Variants in CFAP57 observed in about 807,000 individuals in gnomAD.
CFAP57 encodes cilia and flagella associated protein 57.
Under a neutral mutation model 146.8 loss-of-function variants are expected in CFAP57, and 116 were observed. The ratio of observed to expected loss-of-function variants is 0.79; its 90% CI spans 0.68 to 0.92. CFAP57 has a LOEUF of 0.92. CFAP57 is among the 40% of genes least tolerant of loss of function. The pLI is 0.00. For missense variants in CFAP57, 1,377 were observed against 1,527.2 expected, an observed-to-expected ratio of 0.90 and a Z score of 1.64; for synonymous variants, 518 against 552.8, an observed-to-expected ratio of 0.94 and a Z score of 0.88.
chr1:43,234,134 T>C (rs1248851451), intron 19 of CFAP57, 145 bp from the exon 20 acceptor site: 1 of 955,036 alleles, frequency 1.0e-6, no homozygotes, highest in Non-Finnish European at 1.5e-6. Flanking sequence ...TAAGTTTCTA[T>C]GCCCAGTATG....
At chr1:43,179,932 C>A (rs917429736) in intron 2 of CFAP57, among the ~76,000 whole-genome samples, 1 of 151,988 alleles carries the variant, frequency 6.6e-6, no homozygotes, top group Non-Finnish European at 1.5e-5. Flanking sequence ...ATAGGCCAGG[C>A]GTGGTGGCTC....
At position 43,224,332 on chromosome 1, in the gene CFAP57, C is replaced by T. The variant is rs541957659; in HGVS notation, c.2865+128C>T. The T allele has an allele frequency of 1.8e-4, 203 of 1,122,174 alleles. No homozygotes were observed. In the African/African-American group the frequency reaches 2.2e-3, roughly 12 times the overall value. 69.5% of individuals were successfully genotyped at this position (1,122,174 alleles called of 1,614,324 possible). ...TCTTTAACTTGATGGGGGAACCAGCCGTCAGTGAAGTGCCTGTTGTGTGCT... is the reference window on the plus strand; with the variant it reads ...TCTTTAACTTGATGGGGGAACCAGCTGTCAGTGAAGTGCCTGTTGTGTGCT... On this transcript the variant is annotated intron_variant, in intron 17 of 22. Coordinates refer to ENST00000372492, the MANE Select transcript of CFAP57 (RefSeq NM_001378189.1).
At chr1:43,182,249 T>C (rs550786261) in intron 3 of CFAP57, among the ~76,000 whole-genome samples, 3 of 152,342 alleles carry the variant, frequency 2.0e-5, no homozygotes, top group African/African-American at 7.2e-5. Context: ...CGAAATGTGA[T>C]GTAACATGGT....
At position 43,219,437 on chromosome 1, in the gene CFAP57, A is replaced by C. The variant is rs1004328022; in HGVS notation, c.2147A>C (p.Glu716Ala). The C allele has an allele frequency of 6.4e-7, 1 of 1,550,512 alleles. No homozygotes were observed. Among genetic ancestry groups the C allele is most frequent in the African/African-American group, 1.4e-5 (1 of 73,036 alleles). ...GTGGAGGAATTAAAAATGGAGAATG[A>C]GTATCAACTCCGACTAAAGGACATG... ...TRVEELKMEN[E>A]YQLRLKDMNY... Residue 716 changes from glutamate to alanine, a missense_variant, in exon 13 of 23, where the codon GAG (glutamate) becomes GCG (alanine). Physicochemically the swap from Glu to Ala is moderately radical, Grantham distance 107. Coordinates refer to ENST00000372492, the MANE Select transcript of CFAP57 (RefSeq NM_001378189.1).
intron 21 of CFAP57, among the ~76,000 whole-genome samples, chr1:43,237,887 T>C (rs951901625): frequency 6.6e-6 from 1 of 152,110 alleles, no homozygotes; most frequent in African/African-American, 2.4e-5. Flanking sequence ...GTCTTTGTTT[T>C]GAAAAGACAA....
rs187612580 is a variant in CFAP57, at chr1:43,244,000, T to C, written c.3538+641T>C. ...TTGTATGGCAAAAGGGAGCTTTTTT[T>C]CTGGAGAAACAAACGTTTCCCTGGC... On this transcript the variant is annotated intron_variant, in intron 22 of 22. Coordinates refer to ENST00000372492, the MANE Select transcript of CFAP57 (RefSeq NM_001378189.1). Among the ~76,000 whole-genome samples, 344 of 152,364 alleles carry C rather than the reference T, an allele frequency of 2.3e-3. 4 individuals are homozygous for C. The highest frequency in any genetic ancestry group is 7.9e-3 in the African/African-American group (329 of 41,584).
intron 22 of CFAP57, 130 bp from the exon 23 acceptor site, chr1:43,253,847 A>G: frequency 1.3e-6 from 1 of 770,590 alleles, no homozygotes; most frequent in South Asian, 1.8e-5. Flanking sequence ...CTGTACCTCC[A>G]GCATCTGGGA....
chr1:43,175,175 TG>T, intron 2 of CFAP57, among the ~76,000 whole-genome samples: 1 of 152,276 alleles, frequency 6.6e-6, no homozygotes, highest in South Asian at 2.1e-4. Flanking sequence ...TTTCTGTAGA[TG>T]ATCTTTTTTT....
chr1:43,240,246 G>A (rs1227057763), intron 21 of CFAP57, among the ~76,000 whole-genome samples: 1 of 152,050 alleles, frequency 6.6e-6, no homozygotes, highest in Non-Finnish European at 1.5e-5. Context: ...GGGCACTCCT[G>A]GGCAGCAGCA....
chr1:43,193,239 A>G (rs1643656356), intron 6 of CFAP57, among the ~76,000 whole-genome samples: 1 of 152,098 alleles, frequency 6.6e-6, no homozygotes, highest in South Asian at 2.1e-4. Flanking sequence ...TTTACTCTCA[A>G]TATATTTGTA....
At position 43,243,275 on chromosome 1, in the gene CFAP57, A is replaced by C. The variant is rs1028303850; in HGVS notation, c.3454A>C (p.Lys1152Gln). The C allele has an allele frequency of 6.5e-7, 1 of 1,550,148 alleles. No individual in the cohort carries two copies. Among genetic ancestry groups the C allele is most frequent in the African/African-American group, 1.4e-5 (1 of 73,040 alleles). ...KEINELRREL[K>Q]FTRSQVYDLE... ...AATTAATGAGCTCCGCAGGGAGCTG[A>C]AGTTCACTCGGTCCCAAGTCTATGA... The change falls in exon 22 of 23, where the codon AAG becomes CAG. Residue 1152 changes from lysine (K) to glutamine (Q), a missense_variant. Transcript: ENST00000372492.
intron 6 of CFAP57, among the ~76,000 whole-genome samples, chr1:43,189,340 C>T (rs1462134699): frequency 6.6e-6 from 1 of 152,146 alleles, no homozygotes; most frequent in Non-Finnish European, 1.5e-5. Flanking sequence ...GGGAGTGTTG[C>T]CATCTTAACA....
At chr1:43,215,234 C>T (rs905896293) in intron 11 of CFAP57, 21 bp from the exon 12 acceptor site, 1 of 1,550,928 alleles carries the variant, frequency 6.4e-7, no homozygotes, top group Non-Finnish European at 8.7e-7. Flanking sequence ...GCTTCCTGGC[C>T]ATGACCCTTT....
At chr1:43,240,354 T>A (rs913818822) in intron 21 of CFAP57, among the ~76,000 whole-genome samples, 1 of 152,220 alleles carries the variant, frequency 6.6e-6, no homozygotes, top group Non-Finnish European at 1.5e-5. Context: ...TGGGACTGTT[T>A]TCCTTAGTAG....
At chr1:43,205,347 T>A (rs1279064269) in intron 9 of CFAP57, among the ~76,000 whole-genome samples, 1 of 152,206 alleles carries the variant, frequency 6.6e-6, no homozygotes, top group South Asian at 2.1e-4. Flanking sequence ...GCTGTAGAGC[T>A]CCCTGTCTTA....
chr1:43,183,559 A>AT, intron 3 of CFAP57, 32 bp from the exon 4 acceptor site: 1 of 1,602,088 alleles, frequency 6.2e-7, no homozygotes, highest in Non-Finnish European at 8.6e-7. Context: ...AGTTTCATAA[A>AT]TTTTTTTCTT....
chr1:43,173,225 G>A (rs1557716461), intron 2 of CFAP57, among the ~76,000 whole-genome samples: 1 of 152,140 alleles, frequency 6.6e-6, no homozygotes, highest in African/African-American at 2.4e-5. Context: ...CACTTTTTGA[G>A]TTGTCTAACA....
intron 6 of CFAP57, among the ~76,000 whole-genome samples, chr1:43,193,607 A>T (rs1230794137): frequency 2.6e-5 from 4 of 152,110 alleles, no homozygotes; most frequent in African/African-American, 9.7e-5. Flanking sequence ...AGTAACATAT[A>T]GAAATGTTAT....
rs1050767858 is a variant in CFAP57 at position 43,222,889 on chromosome 1, T to C, written c.2598T>C (p.Asp866=). The C allele has an allele frequency of 9.7e-6, 15 of 1,550,222 alleles. No homozygotes were observed. In the African/African-American group the frequency reaches 1.9e-4, roughly 20 times the overall value. The stretch of plus-strand genomic sequence containing the variant: ...AGACCAAGAAGCAGATTGAGGAAGA[T>C]GAAGACCGAGAAATCCAAGATATCA... ...FEETKKQIEE[D]EDREIQDIKT... Residue 866 remains aspartate, a synonymous_variant, in exon 16 of 23, where the codon GAT becomes GAC. Transcript: ENST00000372492.
Sources: allele counts gnomAD v4.1 joint callset (sites outside exome capture counted in the v4.1 genomes callset), GRCh38; gene constraint gnomAD v4.1.1; transcripts MANE v1.5; gene names NCBI Gene and HGNC (gene_info 2026-07-23, HGNC 2026-07-21).